Variants in PRIM2 observed in about 807,000 individuals in gnomAD.
PRIM2 encodes the protein DNA primase large subunit.
A neutral mutation model predicts 67.3 loss-of-function variants in PRIM2; 39 were observed. The observed-to-expected ratio is 0.58, with a 90% confidence interval of 0.45 to 0.76. The LOEUF is 0.76. PRIM2 is among the 30% of genes least tolerant of loss of function. The pLI is 0.00. For synonymous variants in PRIM2, 143 were observed against 198.7 expected (o/e 0.72, Z 2.36); for missense variants, 398 against 598.7 (o/e 0.66, Z 3.50).
chr6:57,384,314 G>A (rs113000269), intron 7 of PRIM2, among the ~76,000 whole-genome samples: 1,983 of 152,154 alleles, frequency 0.013, 37 homozygotes, highest in African/African-American at 0.045. Context: ...TTGACTTGTG[G>A]CAACATAACT....
intron 12 of PRIM2, among the ~76,000 whole-genome samples, chr6:57,623,018 TTCTG>T (rs1437809270): frequency 1.3e-5 from 2 of 152,206 alleles, no homozygotes; most frequent in African/African-American, 4.8e-5. Flanking sequence ...GATGATAGTA[TTCTG>T]TCTGTCTATT....
intron 12 of PRIM2, among the ~76,000 whole-genome samples, chr6:57,614,215 G>A (rs1776714558): frequency 6.6e-6 from 1 of 152,316 alleles, no homozygotes; most frequent in African/African-American, 2.4e-5. Context: ...TCTAGGTTGT[G>A]CGCTCCTTAT....
At chr6:57,235,020 C>G in the PRIM2 span, among the ~76,000 whole-genome samples, 4 of 151,300 alleles carry the variant, frequency 2.6e-5, no homozygotes, top group African/African-American at 4.9e-5. Flanking sequence ...ACAAAATAAC[C>G]GAGTGTGATG....
intron 7 of PRIM2, among the ~76,000 whole-genome samples, chr6:57,445,957 A>G (rs1772350777): frequency 1.3e-5 from 2 of 152,248 alleles, no homozygotes; most frequent in African/African-American, 4.8e-5. Context: ...ATGTATGTGT[A>G]TGCTGCCATT....
chr6:57,261,516 G>A, the PRIM2 span, among the ~76,000 whole-genome samples: 2 of 152,192 alleles, frequency 1.3e-5, no homozygotes, highest in African/African-American at 4.8e-5. Context: ...TACGGAACAG[G>A]GTAGAGCGGG....
chr6:57,330,822 T>A (rs956532682), intron 5 of PRIM2, among the ~76,000 whole-genome samples: 2 of 152,058 alleles, frequency 1.3e-5, no homozygotes, highest in African/African-American at 4.8e-5. Context: ...TAAGAAAGGA[T>A]GTTGTATTTT....
chr6:57,551,499 T>A (rs1775402313), intron 10 of PRIM2, among the ~76,000 whole-genome samples: 1 of 152,192 alleles, frequency 6.6e-6, no homozygotes, highest in African/African-American at 2.4e-5. Flanking sequence ...TCGACTTTGA[T>A]CCCAGAATAA....
At chr6:57,271,313 A>G in the PRIM2 span, among the ~76,000 whole-genome samples, 1 of 152,090 alleles carries the variant, frequency 6.6e-6, no homozygotes, top group Non-Finnish European at 1.5e-5. Context: ...AGAGCCTGTT[A>G]TTGGTCTATT....
chr6:57,609,959 A>G (rs1490231795), intron 12 of PRIM2, among the ~76,000 whole-genome samples: 3 of 152,216 alleles, frequency 2.0e-5, no homozygotes, highest in Non-Finnish European at 4.4e-5. Flanking sequence ...ATATTGAATG[A>G]GAGTTAAGAA....
At chr6:57,484,214 C>T (rs1407164516) in intron 7 of PRIM2, among the ~76,000 whole-genome samples, 2 of 152,296 alleles carry the variant, frequency 1.3e-5, no homozygotes, top group East Asian at 1.9e-4. Context: ...GCACATGGAA[C>T]ATTAAAACCA....
In PRIM2 at chr6:57,632,069, T is replaced by C. The variant is rs1251139139; in HGVS notation, c.1231-64T>C. On this transcript the variant is annotated intron_variant, in intron 12 of 13. Transcript: ENST00000615550. Reference sequence around the variant, plus strand: ...TATGAAAAGGCCAACAACTGTGAGCTACAGTGGTTTAGAAGAAAACTTAAT... The same window carrying C: ...TATGAAAAGGCCAACAACTGTGAGCCACAGTGGTTTAGAAGAAAACTTAAT... The C allele has an allele frequency of 1.2e-5, 16 of 1,377,898 alleles. No homozygotes were observed. The African/African-American group carries it at 2.2e-4, about 19-fold the overall frequency. The allele number at this position is 1,377,898 out of a possible 1,614,324, so 85.4% of individuals were successfully genotyped here. A position where few individuals can be genotyped will look rare whatever the true frequency, so the allele number is the denominator to read the frequency against.
chr6:57,348,935 C>A (rs1487939133), intron 5 of PRIM2, among the ~76,000 whole-genome samples: 1 of 151,836 alleles, frequency 6.6e-6, no homozygotes, highest in East Asian at 1.9e-4. Flanking sequence ...TTAGTAGAGA[C>A]GGGTTTTCAC....
At chr6:57,576,772 G>C (rs1383674652) in intron 10 of PRIM2, among the ~76,000 whole-genome samples, 1,558 of 142,296 alleles carry the variant, frequency 0.011, 37 homozygotes, top group South Asian at 0.078. Flanking sequence ...GTAGGTAAAT[G>C]GTTTAATGTT....
intron 5 of PRIM2, among the ~76,000 whole-genome samples, chr6:57,326,893 C>CTTTTTTTT (rs70989764): frequency 7.6e-6 from 1 of 131,488 alleles, no homozygotes; most frequent in African/African-American, 3.0e-5. Context: ...GAATTTGTAT[C>CTTTTTTTT]TTTTTTTTTT....
intron 13 of PRIM2, among the ~76,000 whole-genome samples, chr6:57,639,751 CAA>C (rs1240205960): frequency 1.4e-5 from 2 of 138,214 alleles, no homozygotes; most frequent in African/African-American, 2.7e-5. Flanking sequence ...GCCTATCAAC[CAA>C]AAAAAAAAAG....
intron 10 of PRIM2, among the ~76,000 whole-genome samples, chr6:57,542,939 A>AGTTTTTTTTTTTTT (rs1775194169): frequency 1.4e-5 from 1 of 71,930 alleles, no homozygotes; most frequent in South Asian, 3.9e-4. Flanking sequence ...TGCTTATAGG[A>AGTTTTTTTTTTTTT]TTTTTTTTTT....
chr6:57,516,703 A>C (rs1774495393), intron 8 of PRIM2, among the ~76,000 whole-genome samples: 2 of 152,170 alleles, frequency 1.3e-5, no homozygotes, highest in South Asian at 4.2e-4. Context: ...TCAGTAATAC[A>C]TGCTCACACA....
chr6:57,289,172 AG>A, the PRIM2 span, among the ~76,000 whole-genome samples: 1 of 152,218 alleles, frequency 6.6e-6, no homozygotes, highest in Non-Finnish European at 1.5e-5. Context: ...AAGCTTCAAT[AG>A]CTGATTTGAC....
chr6:57,363,405 T>G (rs1174895670), intron 5 of PRIM2, among the ~76,000 whole-genome samples: 1 of 152,236 alleles, frequency 6.6e-6, no homozygotes, highest in African/African-American at 2.4e-5. Context: ...TGTCTTCATG[T>G]TGCATTAGTT....
Sources: allele counts gnomAD v4.1 joint callset (sites outside exome capture counted in the v4.1 genomes callset), GRCh38; gene constraint gnomAD v4.1.1; transcripts MANE v1.5; gene names NCBI Gene and HGNC (gene_info 2026-07-23, HGNC 2026-07-21).